CFAP54: variants seen among roughly 807,000 people sequenced by gnomAD.
CFAP54 encodes cilia and flagella associated protein 54.
CFAP54 carries 290 observed loss-of-function variants against 370.4 expected under a neutral mutation model. That is an observed-to-expected ratio of 0.78 (90% CI 0.71 to 0.86). CFAP54 has a LOEUF of 0.86. CFAP54 is among the 40% of genes least tolerant of loss of function. CFAP54 has a pLI of 0.00. For synonymous variants in CFAP54, 1,206 were observed against 1,236.5 expected, an observed-to-expected ratio of 0.98 and a Z score of 0.52; for missense variants, 3,399 against 3,528.7, an observed-to-expected ratio of 0.96 and a Z score of 0.93.
chr12:96,743,641 G>C (rs1958077609), intron 53 of CFAP54, 82 bp downstream of exon 53: 2 of 1,574,770 alleles, frequency 1.3e-6, no homozygotes, highest in Non-Finnish European at 1.7e-6. Flanking sequence ...AATTCCACTA[G>C]GTACTGAATG....
At chr12:96,576,887 T>A in intron 20 of CFAP54, 126 bp downstream of exon 20, 2 of 752,090 alleles carry the variant, frequency 2.7e-6, no homozygotes, top group Non-Finnish European at 4.1e-6. Flanking sequence ...GAACACTGGA[T>A]TAATATTCCA....
intron 2 of CFAP54, among the ~76,000 whole-genome samples, chr12:96,503,184 T>C (rs1299604002): frequency 6.7e-6 from 1 of 149,722 alleles, no homozygotes; most frequent in Non-Finnish European, 1.5e-5. Flanking sequence ...CCTTCCTCCT[T>C]CCCTCCCTTT....
intron 26 of CFAP54, among the ~76,000 whole-genome samples, chr12:96,612,802 A>G (rs546540162): frequency 1.3e-4 from 20 of 152,360 alleles, no homozygotes; most frequent in African/African-American, 4.6e-4. Context: ...AAAGGGATCA[A>G]TTAAACAAGA....
At chr12:96,688,772 A>C in intron 42 of CFAP54, 144 bp from the exon 43 acceptor site, 1 of 465,076 alleles carries the variant, frequency 2.2e-6, no homozygotes. Flanking sequence ...TCTTTAATAT[A>C]TTTTCCTTCT....
intron 48 of CFAP54, among the ~76,000 whole-genome samples, chr12:96,711,708 G>A (rs773294716): frequency 3.3e-5 from 5 of 152,182 alleles, no homozygotes; most frequent in Non-Finnish European, 7.3e-5. Flanking sequence ...ATCATTTCCA[G>A]AGACTTTAAG....
chr12:96,827,034 A>ATATAATATGAAATTATATGTGATTAAT (rs1565994004), intron 65 of CFAP54, among the ~76,000 whole-genome samples: 1 of 128,996 alleles, frequency 7.8e-6, no homozygotes, highest in African/African-American at 3.2e-5. Context: ...ATGTGATTAT[A>ATATAATATGAAATTATATGTGATTAAT]TATAATATGC....
chr12:96,847,373 GA>G (rs1036906749), intron 66 of CFAP54, among the ~76,000 whole-genome samples: 3 of 151,916 alleles, frequency 2.0e-5, no homozygotes, highest in Non-Finnish European at 4.4e-5. Flanking sequence ...CACCATCCCG[GA>G]AGCTCCCCAG....
intron 9 of CFAP54, among the ~76,000 whole-genome samples, chr12:96,531,870 G>A (rs61940401): frequency 1.3e-4 from 20 of 152,180 alleles, no homozygotes; most frequent in Non-Finnish European, 2.1e-4. Context: ...GACTACAGGT[G>A]TGCACCACCA....
chr12:96,799,001 T>C (rs1958793936), intron 63 of CFAP54, among the ~76,000 whole-genome samples: 1 of 152,180 alleles, frequency 6.6e-6, no homozygotes. Context: ...ATCGTAGATA[T>C]AATTTATTTT....
intron 36 of CFAP54, 92 bp from the exon 37 acceptor site, chr12:96,657,790 C>T: frequency 1.1e-6 from 1 of 923,478 alleles, no homozygotes; most frequent in Non-Finnish European, 1.7e-6. Flanking sequence ...GAGTTCTTTT[C>T]CATGTTACAT....
At chr12:96,587,592 A>C (rs1459691603) in intron 22 of CFAP54, among the ~76,000 whole-genome samples, 2 of 152,152 alleles carry the variant, frequency 1.3e-5, no homozygotes, top group Non-Finnish European at 2.9e-5. Flanking sequence ...ACAAAACCTC[A>C]TGATTTTATA....
intron 25 of CFAP54, among the ~76,000 whole-genome samples, chr12:96,597,725 T>C (rs1381031238): frequency 1.3e-5 from 2 of 151,606 alleles, no homozygotes; most frequent in Admixed American, 6.6e-5. Flanking sequence ...ACCAAAGATA[T>C]GGTTGAAGGA....
intron 17 of CFAP54, among the ~76,000 whole-genome samples, chr12:96,563,469 T>C (rs909544523): frequency 2.6e-5 from 4 of 152,214 alleles, no homozygotes; most frequent in South Asian, 2.1e-4. Flanking sequence ...TTCAGAATTT[T>C]TTTGCAGTCT....
intron 38 of CFAP54, among the ~76,000 whole-genome samples, chr12:96,659,478 T>C (rs1265301372): frequency 6.6e-6 from 1 of 152,172 alleles, no homozygotes; most frequent in African/African-American, 2.4e-5. Flanking sequence ...TAATTTCTTT[T>C]AAAATAAGAA....
At chr12:96,839,024 A>T (rs1959195737) in intron 66 of CFAP54, among the ~76,000 whole-genome samples, 1 of 152,152 alleles carries the variant, frequency 6.6e-6, no homozygotes, top group Non-Finnish European at 1.5e-5. Flanking sequence ...ATTCTTGCTC[A>T]TTCAAATGGA....
intron 58 of CFAP54, among the ~76,000 whole-genome samples, chr12:96,759,268 A>G (rs549659646): frequency 1.2e-4 from 18 of 147,346 alleles, no homozygotes; most frequent in Admixed American, 8.1e-4. Flanking sequence ...GTTGTTTGAT[A>G]AACATGTTTA....
intron 66 of CFAP54, among the ~76,000 whole-genome samples, chr12:96,832,378 G>T (rs1286775625): frequency 1.3e-5 from 2 of 151,884 alleles, no homozygotes; most frequent in African/African-American, 4.8e-5. Flanking sequence ...GTCTAGGTTG[G>T]AATCTCGGCC....
chr12:96,639,742 G>A (rs1956703562), intron 32 of CFAP54, among the ~76,000 whole-genome samples: 1 of 152,034 alleles, frequency 6.6e-6, no homozygotes, highest in Admixed American at 6.6e-5. Flanking sequence ...TGATCAAGTG[G>A]GCTTCATCCC....
intron 15 of CFAP54, among the ~76,000 whole-genome samples, chr12:96,550,864 C>G (rs7977775): frequency 0.13 from 19,517 of 152,126 alleles, 1,742 homozygotes; most frequent in Middle Eastern, 0.21. Context: ...TAACCACCAT[C>G]CAGGGACAAG....
Sources: gnomAD v4.1 joint callset for allele counts (sites outside exome capture counted in the v4.1 genomes callset) on GRCh38, gnomAD v4.1.1 for gene constraint, MANE v1.5 for transcripts, NCBI Gene and HGNC (gene_info 2026-07-23, HGNC 2026-07-21) for gene names.